The following SLC16A4 variants were observed in gnomAD, a reference collection of about 807,000 sequenced individuals.
SLC16A4 encodes the protein solute carrier family 16 member 4.
A neutral mutation model predicts 47.9 loss-of-function variants in SLC16A4; 39 were observed. The observed-to-expected ratio is 0.81, with a 90% confidence interval of 0.63 to 1.06. The LOEUF is 1.06. Ranked by LOEUF, SLC16A4 falls within the 50% of genes least tolerant of loss-of-function variation. The probability of loss-of-function intolerance (pLI) is 0.00; values close to 1 mark genes in which losing one functional copy is unlikely to be tolerated. For missense variants in SLC16A4, 524 were observed against 573.8 expected (o/e 0.91, Z 0.89); for synonymous variants, 189 against 199.9 (o/e 0.95, Z 0.46).
intron 8 of SLC16A4, among the ~76,000 whole-genome samples, chr1:110,374,739 A>G (rs1661888548): frequency 6.6e-6 from 1 of 152,240 alleles, no homozygotes; most frequent in Non-Finnish European, 1.5e-5. Context: ...GTACTTGTAT[A>G]TAATAATTTC....
At chr1:110,365,150 A>G (rs1346066255) in intron 8 of SLC16A4, among the ~76,000 whole-genome samples, 2 of 152,112 alleles carry the variant, frequency 1.3e-5, no homozygotes, top group Non-Finnish European at 2.9e-5. Flanking sequence ...TCAGTGCTGT[A>G]TGGCAGCACA....
chr1:110,386,445 C>T (rs772520078), intron 2 of SLC16A4, among the ~76,000 whole-genome samples: 8 of 152,160 alleles, frequency 5.3e-5, no homozygotes, highest in Non-Finnish European at 8.8e-5. Context: ...CCAGAGTCCA[C>T]GTCATACATT....
chr1:110,378,697 G>T (rs747804895), intron 6 of SLC16A4, among the ~76,000 whole-genome samples, 156 bp downstream of exon 6: 1 of 152,194 alleles, frequency 6.6e-6, no homozygotes, highest in Non-Finnish European at 1.5e-5. Flanking sequence ...CCTGGGAAAT[G>T]CCCAGGTGCT....
chr1:110,368,543 C>T (rs1029656265), intron 8 of SLC16A4, among the ~76,000 whole-genome samples: 8 of 152,138 alleles, frequency 5.3e-5, no homozygotes, highest in Non-Finnish European at 1.2e-4. Context: ...TTGATTCTTA[C>T]GCACAGTAAA....
Position 110,375,335 on chromosome 1 carries a change from G to A in SLC16A4, c.1336+123C>T, listed in dbSNP as rs538453445. On this transcript the variant is annotated intron_variant, in intron 8 of 8. Coordinates refer to ENST00000369779, the MANE Select transcript of SLC16A4 (RefSeq NM_004696.3). ...TTGGTGGTGGAGTGAGTAGATATAG[G>A]AAAAGCAGAAATAATCTGTTTCTTT... is the stretch of plus-strand genomic sequence containing the variant. The A allele has an allele frequency of 7.6e-6, 5 of 662,128 alleles. No individual in the cohort carries two copies. In the South Asian group the frequency reaches 9.0e-5, roughly 12 times the overall value. 41.0% of individuals were successfully genotyped at this position (662,128 alleles called of 1,614,324 possible).
intron 6 of SLC16A4, among the ~76,000 whole-genome samples, chr1:110,378,183 A>G (rs1017029506): frequency 6.6e-6 from 1 of 152,240 alleles, no homozygotes; most frequent in Non-Finnish European, 1.5e-5. Context: ...CAGACAGTCC[A>G]TAAGTGACTA....
At chr1:110,368,647 A>C (rs1254741483) in intron 8 of SLC16A4, among the ~76,000 whole-genome samples, 3 of 152,228 alleles carry the variant, frequency 2.0e-5, no homozygotes, top group African/African-American at 4.8e-5. Context: ...TTAGGCAGAA[A>C]TGTCTAGTAA....
intron 5 of SLC16A4, among the ~76,000 whole-genome samples, chr1:110,380,585 T>A (rs1662318311): frequency 6.7e-6 from 1 of 148,298 alleles, no homozygotes; most frequent in South Asian, 2.2e-4. Context: ...AAATGCAGAT[T>A]TTTGTCTTAA....
chr1:110,381,208 A>G (rs1271605008), intron 4 of SLC16A4, 65 bp from the exon 5 acceptor site: 5 of 1,470,098 alleles, frequency 3.4e-6, no homozygotes, highest in Non-Finnish European at 4.7e-6. Context: ...CAGAAAAGAT[A>G]ATCTCCTGGA....
chr1:110,375,499 A>T lies in SLC16A4; in HGVS notation c.1295T>A (p.Phe432Tyr). The T allele has an allele frequency of 6.2e-7, 1 of 1,613,600 alleles. No homozygotes were observed. The highest frequency in any genetic ancestry group is 8.5e-7 in the Non-Finnish European group (1 of 1,179,504). Residue 432 changes from phenylalanine (F) to tyrosine (Y), a missense_variant, in exon 8 of 9, where the codon TTC (phenylalanine) becomes TAC (tyrosine). Transcript: ENST00000369779. ...AGAAAGGACAGCCATCCCAGCAAAGAAACTGGCAAGTCCCAAAAACCTGTT... is the reference window on the plus strand; with the variant it reads ...AGAAAGGACAGCCATCCCAGCAAAGTAACTGGCAAGTCCCAAAAACCTGTT... ...TVNRFLGLAS[F>Y]FAGMAVLSGP...
intron 8 of SLC16A4, chr1:110,371,571 T>C (rs1158841162): frequency 1.3e-5 from 2 of 152,246 alleles, no homozygotes; most frequent in Non-Finnish European, 2.9e-5. Context: ...CTGTGAGAAA[T>C]AAGGCTTAAA....
intron 5 of SLC16A4, among the ~76,000 whole-genome samples, chr1:110,380,630 G>C (rs1354996352): frequency 8.2e-6 from 1 of 121,486 alleles, no homozygotes; most frequent in African/African-American, 3.1e-5. Flanking sequence ...TTTTGATGGG[G>C]CGGGGGCGGG....
In SLC16A4 at chr1:110,363,583, G is replaced by A. The variant is rs185712869; in HGVS notation, c.*183C>T. 1,291 of 416,720 alleles carry A rather than the reference G, an allele frequency of 3.1e-3. 7 individuals carry two copies. Among genetic ancestry groups the A allele is most frequent in the Non-Finnish European group, 4.1e-3 (1,041 of 251,412 alleles). The allele number at this position is 416,720 out of a possible 1,614,324, so 25.8% of individuals were successfully genotyped here. On this transcript the variant is annotated 3_prime_UTR_variant, in exon 9 of 9. Transcript: ENST00000369779. ...GGAGATTACAGTGAGCCGAGATTGC[G>A]CCACTGCACTCCAGCCTGGGCGAAA...
rs750236953 is a variant in SLC16A4, at chr1:110,375,538, C to G, written c.1256G>C (p.Arg419Thr). ...LILPVLVDLC[R>T]NSTVNRFLGL... ...CAAAAACCTGTTTACTGTAGAATTC[C>G]TACACAGATCAACCTGTAGGAATTA... Residue 419 changes from arginine (R) to threonine (T), a missense_variant, in exon 8 of 9, where the codon AGG (arginine) becomes ACG (threonine). Transcript: ENST00000369779. 6 of 1,602,778 alleles carry G rather than the reference C, an allele frequency of 3.7e-6. No individual in the cohort carries two copies. In the Admixed American group the frequency reaches 1.0e-4, roughly 27 times the overall value.
At position 110,388,817 on chromosome 1, in the gene SLC16A4, TCTC is replaced by T. The variant is rs1662869401; in HGVS notation, c.87+417_87+419del. ...TCTCCACCTCCTGATTTCAAGCAAT[TCTC>T]CTGCCTCAGCCTCCCAAGTAGCTGG... On this transcript the variant is annotated intron_variant, in intron 2 of 8. Coordinates refer to ENST00000369779, the MANE Select transcript of SLC16A4 (RefSeq NM_004696.3). Among the ~76,000 whole-genome samples, 4 of 152,150 alleles carry T rather than the reference TCTC, an allele frequency of 2.6e-5. No homozygotes were observed. The South Asian group carries it at 6.2e-4, about 24-fold the overall frequency.
chr1:110,389,251 T>C lies in SLC16A4; in HGVS notation c.73A>G (p.Ile25Val). ...LDGGWGWMIV[I>V]HFFLVNVFVM... ...TGAATTCTTACCAGGAAAAAATGAATCACAATCATCCATCCCCATCCTCCA... is the reference window on the plus strand; with the variant it reads ...TGAATTCTTACCAGGAAAAAATGAACCACAATCATCCATCCCCATCCTCCA... The change falls in exon 2 of 9, where the codon ATT becomes GTT. Residue 25 changes from isoleucine to valine, a missense_variant. Transcript: ENST00000369779. 1 of 1,613,834 alleles carries C rather than the reference T, an allele frequency of 6.2e-7. No homozygotes were observed. The highest frequency in any genetic ancestry group is 8.5e-7 in the Non-Finnish European group (1 of 1,179,734).
chr1:110,383,336 T>C (rs1662532277), intron 2 of SLC16A4, among the ~76,000 whole-genome samples: 1 of 152,220 alleles, frequency 6.6e-6, no homozygotes, highest in Non-Finnish European at 1.5e-5. Flanking sequence ...CAGAGCCCAT[T>C]GTGCAAGAGA....
chr1:110,383,479 T>C (rs1570652750), intron 2 of SLC16A4, among the ~76,000 whole-genome samples: 2 of 152,056 alleles, frequency 1.3e-5, no homozygotes, highest in African/African-American at 2.4e-5. Context: ...CTATCAAAGC[T>C]GCCCTTTTGC....
At position 110,363,620 on chromosome 1, in the gene SLC16A4, C is replaced by T. The variant is rs954731034; in HGVS notation, c.*146G>A. On this transcript the variant is annotated 3_prime_UTR_variant, in exon 9 of 9. Coordinates refer to ENST00000369779, the MANE Select transcript of SLC16A4 (RefSeq NM_004696.3). ...CAGCCTGGGCGAAAGAGCGAGACTC[C>T]GTCTCAAAAAAAAAAAAAAAAAAAT... The T allele has an allele frequency of 4.3e-5, 31 of 718,332 alleles. No homozygotes were observed. The highest frequency in any genetic ancestry group is 4.3e-4 in the Middle Eastern group (1 of 2,320). The allele number at this position is 718,332 out of a possible 1,614,324, so 44.5% of individuals were successfully genotyped here.
Sources: gnomAD v4.1 joint callset for allele counts (sites outside exome capture counted in the v4.1 genomes callset) on GRCh38, gnomAD v4.1.1 for gene constraint, MANE v1.5 for transcripts, NCBI Gene and HGNC (gene_info 2026-07-23, HGNC 2026-07-21) for gene names.